Variants in MBOAT7 observed in about 807,000 individuals in gnomAD.
MBOAT7 encodes the protein membrane-bound acylglycerophosphatidylinositol O-acyltransferase MBOAT7.
MBOAT7 carries 40 observed loss-of-function variants against 47.4 expected under a neutral mutation model. The observed-to-expected ratio is 0.84, with a 90% CI of 0.66 to 1.10. MBOAT7 has a LOEUF of 1.10. MBOAT7 is among the 50% of genes least tolerant of loss of function. The pLI, the probability that MBOAT7 is intolerant of heterozygous loss-of-function variation, is 0.00. For missense variants in MBOAT7, 680 were observed against 655.6 expected, an observed-to-expected ratio of 1.04 and a Z score of -0.41; for synonymous variants, 361 against 292.0, an observed-to-expected ratio of 1.24 and a Z score of -2.41.
At chr19:54,179,645 G>C (rs553477530) in intron 6 of MBOAT7, 98 of 152,256 alleles carry the variant, frequency 6.4e-4, no homozygotes, top group African/African-American at 2.3e-3. Context: ...AGTGAGGACC[G>C]AGCAGATTTA....
chr19:54,184,257 G>C (rs2076370579), intron 4 of MBOAT7, among the ~76,000 whole-genome samples: 1 of 150,448 alleles, frequency 6.6e-6, no homozygotes, highest in Non-Finnish European at 1.5e-5. Context: ...CCACCTCCTG[G>C]GGGCGCAAGC....
chr19:54,188,036 AG>A (rs2076491473), intron 3 of MBOAT7, among the ~76,000 whole-genome samples, 180 bp downstream of exon 3: 1 of 49,424 alleles, frequency 2.0e-5, no homozygotes, highest in Non-Finnish European at 4.6e-5. Flanking sequence ...AAAGAAAGAA[AG>A]AAAGAAAGAA....
chr19:54,186,905 C>T, intron 4 of MBOAT7: 2 of 489,806 alleles, frequency 4.1e-6, no homozygotes, highest in East Asian at 3.2e-5. Context: ...GCCTCTGGCA[C>T]ACCGCAAGCA....
In MBOAT7 at chr19:54,180,040, G is replaced by C. The variant is rs1243190415; in HGVS notation, c.854+733C>G. 5 of 152,330 alleles carry C rather than the reference G, an allele frequency of 3.3e-5. No homozygotes were observed. The highest frequency in any genetic ancestry group is 1.2e-4 in the African/African-American group (5 of 41,462). The allele number at this position is 152,330 out of a possible 1,614,324, so 9.4% of individuals were successfully genotyped here. A position where few individuals can be genotyped will look rare whatever the true frequency, so the allele number is the denominator to read the frequency against. On this transcript the variant is annotated intron_variant, in intron 6 of 7. Coordinates refer to ENST00000245615, the MANE Select transcript of MBOAT7 (RefSeq NM_024298.5). This position sits in a 1 kb window ranked among gnomAD's most constrained non-coding sequence, Gnocchi z 5.2. ...TGCCTAGCAATGCAGGTGCCGGGGG[G>C]TGGAGCCTCTCTGGCAACAAGGGTC...
chr19:54,188,327 C>G lies in MBOAT7; in HGVS notation c.96G>C (p.Trp32Cys). 1 of 1,613,976 alleles carries G rather than the reference C, an allele frequency of 6.2e-7. No homozygotes were observed. The highest frequency in any genetic ancestry group is 8.5e-7 in the Non-Finnish European group (1 of 1,179,954). The change falls in exon 3 of 8, where the codon TGG (tryptophan) becomes TGC (cysteine). Residue 32 changes from tryptophan to cysteine, a missense_variant. Trp to Cys is a radical substitution (Grantham distance 215). Transcript: ENST00000245615. ...GCCCCAGGCCCACAGCGGCTGCTCC[C>G]CATCTCTTCAGCCCAGGACCTGCAG... is the stretch of plus-strand genomic sequence containing the variant. ...FKKAGPGLKR[W>C]GAAAVGLGLT...
chr19:54,177,426 G>A (rs1047448583), intron 7 of MBOAT7, among the ~76,000 whole-genome samples: 1 of 151,706 alleles, frequency 6.6e-6, no homozygotes, highest in African/African-American at 2.4e-5. Flanking sequence ...CTCCCCAGTA[G>A]CTGGGACTAC....
rs1390351186 is a variant in MBOAT7 at position 54,180,849 on chromosome 19, C to T, written c.778G>A (p.Gly260Ser). 10 of 1,579,970 alleles carry T rather than the reference C, an allele frequency of 6.3e-6. No individual in the cohort carries two copies. Among genetic ancestry groups the T allele is most frequent in the East Asian group, 2.3e-5 (1 of 43,790 alleles). ...IAAECGCIAAGFGAYPVAAKA... is the reference protein window; with the variant it reads ...IAAECGCIAASFGAYPVAAKA... ...GCGGCCACGGGGTAGGCCCCAAAGC[C>T]GGCGGCAATGCAGCCGCACTCGGCG... Residue 260 changes from glycine (G) to serine (S), a missense_variant, in exon 6 of 8, where the codon GGC becomes AGC. Gly to Ser is a moderately conservative substitution (Grantham distance 56, BLOSUM62 0). Coordinates refer to ENST00000245615, the MANE Select transcript of MBOAT7 (RefSeq NM_024298.5). The surrounding 1 kb of genome is among the most constrained non-coding windows in gnomAD (Gnocchi z 5.2).
chr19:54,178,741 C>A (rs1383689748), intron 7 of MBOAT7, 24 bp downstream of exon 7: 5 of 1,610,626 alleles, frequency 3.1e-6, no homozygotes, highest in Non-Finnish European at 4.2e-6. Flanking sequence ...GCAGTGTCAC[C>A]TGAGACTGGG....
intron 3 of MBOAT7, 130 bp downstream of exon 3, chr19:54,188,087 A>C: frequency 1.3e-6 from 1 of 795,358 alleles, no homozygotes; most frequent in African/African-American, 1.8e-5. Flanking sequence ...AACAAACATG[A>C]AACAGAGAAA....
At position 54,187,245 on chromosome 19, in the gene MBOAT7, G is replaced by C. The variant is rs760426365; in HGVS notation, c.249C>G (p.Leu83=). ...ALALAWTFSY[L]LFFRALSLLG... is the part of the protein sequence containing the mutation. ...GGAGGCTGAGGGCTCGGAAGAACAG[G>C]AGATAGGAGAAAGTCCAGGCCAGAG... The change falls in exon 4 of 8, where the codon CTC becomes CTG. Residue 83 remains leucine (L), a synonymous_variant. Coordinates refer to ENST00000245615, the MANE Select transcript of MBOAT7 (RefSeq NM_024298.5). 1 of 1,610,372 alleles carries C rather than the reference G, an allele frequency of 6.2e-7. No individual in the cohort carries two copies. The highest frequency in any genetic ancestry group is 1.1e-5 in the South Asian group (1 of 90,468).
intron 4 of MBOAT7, chr19:54,186,890 G>A: frequency 2.1e-6 from 1 of 472,514 alleles, no homozygotes; most frequent in Middle Eastern, 5.5e-4. Flanking sequence ...AAACCACCCA[G>A]CTGGGCCTCT....
At chr19:54,184,498 C>G (rs59537494) in intron 4 of MBOAT7, among the ~76,000 whole-genome samples, 24,852 of 152,038 alleles carry the variant, frequency 0.16, 2,100 homozygotes, top group South Asian at 0.22. Context: ...TGGCTGGAGA[C>G]AAAGTCAGGA....
At chr19:54,177,898 C>CTTTT (rs2076152527) in intron 7 of MBOAT7, among the ~76,000 whole-genome samples, 9 of 54,068 alleles carry the variant, frequency 1.7e-4, no homozygotes, top group African/African-American at 4.0e-4. Flanking sequence ...AGTTCTACTT[C>CTTTT]TGTTTTTTTT....
intron 3 of MBOAT7, among the ~76,000 whole-genome samples, chr19:54,187,503 C>T (rs1274570390): frequency 1.3e-5 from 2 of 152,162 alleles, no homozygotes; most frequent in African/African-American, 4.8e-5. Flanking sequence ...AAACACACAC[C>T]AACAGAGAAT....
intron 4 of MBOAT7, among the ~76,000 whole-genome samples, chr19:54,183,929 G>T (rs1298233854): frequency 6.6e-6 from 1 of 152,036 alleles, no homozygotes; most frequent in Non-Finnish European, 1.5e-5. Flanking sequence ...CTATCCACAC[G>T]CTGAGGACGC....
At chr19:54,181,461 G>C (rs1299975993) in intron 5 of MBOAT7, among the ~76,000 whole-genome samples, 1 of 151,606 alleles carries the variant, frequency 6.6e-6, no homozygotes, top group Non-Finnish European at 1.5e-5. Context: ...TTGGACAGCA[G>C]CCTGGGCAAA....
intron 7 of MBOAT7, among the ~76,000 whole-genome samples, chr19:54,177,477 A>G (rs1009720252): frequency 2.0e-5 from 3 of 151,608 alleles, no homozygotes; most frequent in African/African-American, 7.3e-5. Flanking sequence ...TTGTATTTTT[A>G]GTAGAGACAG....
chr19:54,188,061 G>GA (rs1168217987), intron 3 of MBOAT7, among the ~76,000 whole-genome samples, 156 bp downstream of exon 3: 12 of 53,038 alleles, frequency 2.3e-4, no homozygotes, highest in African/African-American at 6.2e-4. Context: ...AAGAAAGAAA[G>GA]AAAGAAAGAC....
intron 7 of MBOAT7, among the ~76,000 whole-genome samples, chr19:54,176,862 G>A (rs2146966830): frequency 6.6e-6 from 1 of 152,024 alleles, no homozygotes; most frequent in African/African-American, 2.4e-5. Context: ...AGACCAGCCT[G>A]GTCAACACAG....
Sources: allele counts gnomAD v4.1 joint callset (sites outside exome capture counted in the v4.1 genomes callset), GRCh38; gene constraint gnomAD v4.1.1; non-coding constraint Gnocchi (gnomAD v3.1); transcripts MANE v1.5; gene names NCBI Gene and HGNC (gene_info 2026-07-23, HGNC 2026-07-21).